The following DCDC1 variants were observed in gnomAD, a reference collection of about 807,000 sequenced individuals.
DCDC1 encodes the protein doublecortin domain-containing protein 1.
In DCDC1, 200 loss-of-function variants were observed where a neutral mutation model predicts 178.3. The observed-to-expected ratio is 1.12, with a 90% CI of 1.00 to 1.26. The LOEUF (loss-of-function observed/expected upper bound fraction) is 1.26. DCDC1 is among the 50% of genes most tolerant of loss of function. The pLI is 0.00. For missense variants in DCDC1, 1,983 were observed against 1,749.2 expected, an observed-to-expected ratio of 1.13 and a Z score of -2.38; for synonymous variants, 690 against 604.8, an observed-to-expected ratio of 1.14 and a Z score of -2.07.
chr11:31,160,970 T>C (rs976026233), intron 9 of DCDC1, among the ~76,000 whole-genome samples: 2 of 152,200 alleles, frequency 1.3e-5, no homozygotes, highest in Admixed American at 1.3e-4. Context: ...TTATGGTTTC[T>C]AGGAATTTGT....
At position 30,911,324 on chromosome 11, in the gene DCDC1, T is replaced by A. The variant is rs1443848321; in HGVS notation, c.3747+3A>T. ...GACTAATCTTTAGCCATACATATCT[T>A]ACCTGAACAATAACTGGATAGCCAC... On this transcript the variant is annotated splice_donor_region_variant and intron_variant, in intron 28 of 38. Coordinates refer to ENST00000684477, the MANE Select transcript of DCDC1 (RefSeq NM_001387274.1). 6.3e-7 allele frequency: 1 copy of A among 1,597,068 alleles called. No individual in the cohort carries two copies. The highest frequency in any genetic ancestry group is 1.7e-5 in the Admixed American group (1 of 57,796).
chr11:31,340,516 C>T (rs1202178119), intron 1 of DCDC1, among the ~76,000 whole-genome samples: 3 of 152,126 alleles, frequency 2.0e-5, no homozygotes, highest in African/African-American at 7.2e-5. Context: ...CTTGGCAGGG[C>T]CATGGTGACC....
In DCDC1 at chr11:31,328,134, A is replaced by G; in HGVS notation, c.147T>C (p.Ile49=). Residue 49 remains isoleucine (I), a synonymous_variant, in exon 3 of 39, where the codon ATT becomes ATC. Coordinates refer to ENST00000684477, the MANE Select transcript of DCDC1 (RefSeq NM_001387274.1). The part of the protein sequence containing the change: ...GNTVNPIYKY[I]LNDLPREFMS... Reference sequence around the variant, plus strand: ...GTTCTTACCTTGGTAAATCATTCAAAATATATTTGTAAATTGGGTTTACAG... The same window carrying G: ...GTTCTTACCTTGGTAAATCATTCAAGATATATTTGTAAATTGGGTTTACAG... 6.2e-7 allele frequency: 1 copy of G among 1,605,154 alleles called. No individual in the cohort carries two copies. The highest frequency in any genetic ancestry group is 8.5e-7 in the Non-Finnish European group (1 of 1,174,658).
intron 20 of DCDC1, among the ~76,000 whole-genome samples, chr11:31,020,183 G>T (rs1952774170): frequency 6.6e-6 from 1 of 152,060 alleles, no homozygotes; most frequent in South Asian, 2.1e-4. Flanking sequence ...ATAAATAAAA[G>T]ATCAAAATAT....
chr11:31,283,727 T>C (rs1292578096), intron 7 of DCDC1, among the ~76,000 whole-genome samples: 1 of 152,144 alleles, frequency 6.6e-6, no homozygotes, highest in Admixed American at 6.6e-5. Flanking sequence ...AGCTGTTCTT[T>C]TCCTGGCAGT....
intron 20 of DCDC1, among the ~76,000 whole-genome samples, chr11:31,049,646 C>CT (rs1189512662): frequency 6.6e-6 from 1 of 152,158 alleles, no homozygotes; most frequent in African/African-American, 2.4e-5. Flanking sequence ...TGGACTGCTC[C>CT]TGCAGGGCCC....
chr11:31,179,659 A>G (rs1362620100), intron 9 of DCDC1, among the ~76,000 whole-genome samples: 1 of 152,194 alleles, frequency 6.6e-6, no homozygotes, highest in Non-Finnish European at 1.5e-5. Flanking sequence ...AGTAGTTACC[A>G]AAGAAAATCC....
chr11:31,145,486 A>T (rs546343220), intron 9 of DCDC1, among the ~76,000 whole-genome samples: 4 of 152,240 alleles, frequency 2.6e-5, no homozygotes, highest in Admixed American at 2.0e-4. Flanking sequence ...ACTCTGCTCT[A>T]TAAGGGTGGT....
intron 21 of DCDC1, among the ~76,000 whole-genome samples, chr11:30,951,509 A>G (rs1948421075): frequency 2.0e-5 from 3 of 152,156 alleles, no homozygotes; most frequent in Admixed American, 2.0e-4. Context: ...ATAACCAGAA[A>G]GATGAAAAAT....
intron 32 of DCDC1, among the ~76,000 whole-genome samples, chr11:30,902,550 T>TA (rs1234947345): frequency 6.6e-6 from 1 of 152,182 alleles, no homozygotes; most frequent in Non-Finnish European, 1.5e-5. Context: ...ATCCATGAAG[T>TA]AATTGACAAT....
intron 3 of DCDC1, among the ~76,000 whole-genome samples, chr11:31,309,974 T>C (rs892172860): frequency 6.6e-6 from 1 of 152,130 alleles, no homozygotes; most frequent in Non-Finnish European, 1.5e-5. Context: ...CTGTCTATCA[T>C]TTTTGTTTGT....
rs1973276154 is a variant in DCDC1, at chr11:31,214,459, AC to A, written c.1221+26990del. 2.0e-5 allele frequency among the ~76,000 whole-genome samples: 3 copies of A among 152,348 alleles called. No homozygotes were observed. In the South Asian group the frequency reaches 6.2e-4, roughly 32 times the overall value. The stretch of plus-strand genomic sequence containing the variant: ...AAGAGTCAAATTCACTCTGCTGCAC[AC>A]AGCAGGATCTAGAGGAATTATCAGT... On this transcript the variant is annotated intron_variant, in intron 9 of 38. Coordinates refer to ENST00000684477, the MANE Select transcript of DCDC1 (RefSeq NM_001387274.1).
At position 31,249,880 on chromosome 11, in the gene DCDC1, T is replaced by C. The variant is rs75200501; in HGVS notation, c.1055-8264A>G. Among the ~76,000 whole-genome samples, 1,307 of 152,184 alleles carry C rather than the reference T, an allele frequency of 8.6e-3. 7 individuals carry two copies. Among genetic ancestry groups the C allele is most frequent in the Middle Eastern group, 0.037 (11 of 294 alleles). ...TTCCCTAAAAAGTTGTAGAACAGAT[T>C]ATAAAACAGTTTGTGAACACTCAGG... On this transcript the variant is annotated intron_variant, in intron 8 of 38. Coordinates refer to ENST00000684477, the MANE Select transcript of DCDC1 (RefSeq NM_001387274.1).
At chr11:30,993,719 A>C (rs1383553194) in intron 20 of DCDC1, among the ~76,000 whole-genome samples, 2 of 152,180 alleles carry the variant, frequency 1.3e-5, no homozygotes, top group African/African-American at 4.8e-5. Flanking sequence ...AAAATATAAC[A>C]ACTATTTGAA....
In DCDC1 at chr11:31,290,817, T is replaced by C. The variant is rs1224432518; in HGVS notation, c.790A>G (p.Met264Val). ...LLLIKKVTWT[M>V]NGLMLPTDIK... ...TCAGTAGGAAGCATCAACCCATTCATTGTCCAAGTTACTTTCTTAATTAAC... is the reference window on the plus strand; with the variant it reads ...TCAGTAGGAAGCATCAACCCATTCACTGTCCAAGTTACTTTCTTAATTAAC... The change falls in exon 7 of 39, where the codon ATG (methionine) becomes GTG (valine). Residue 264 changes from methionine (M) to valine (V), a missense_variant. Met to Val is a conservative substitution (Grantham distance 21). Coordinates refer to ENST00000684477, the MANE Select transcript of DCDC1 (RefSeq NM_001387274.1). 3.1e-6 allele frequency: 5 copies of C among 1,612,856 alleles called. No individual in the cohort carries two copies. The African/African-American group carries it at 6.7e-5, about 22-fold the overall frequency.
intron 9 of DCDC1, among the ~76,000 whole-genome samples, chr11:31,213,089 A>G (rs947882046): frequency 2.1e-4 from 26 of 125,358 alleles, no homozygotes; most frequent in Admixed American, 8.3e-5. Flanking sequence ...CATCTTCTAT[A>G]TAAAGCCCAG....
chr11:31,210,710 CAAAA>C (rs533444227), intron 9 of DCDC1, among the ~76,000 whole-genome samples: 1 of 51,416 alleles, frequency 1.9e-5, no homozygotes. Flanking sequence ...GACTCCGTCT[CAAAA>C]AAAAAAAAAA....
At position 31,197,401 on chromosome 11, in the gene DCDC1, A is replaced by G. The variant is rs780945907; in HGVS notation, c.1221+44049T>C. Among the ~76,000 whole-genome samples the G allele has an allele frequency of 3.9e-4, 60 of 152,148 alleles. 1 individual carries two copies. Among genetic ancestry groups the G allele is most frequent in the Non-Finnish European group, 6.9e-4 (47 of 68,008 alleles). On this transcript the variant is annotated intron_variant, in intron 9 of 38. Transcript: ENST00000684477. ...CCTGTTAATCAGTATAGCAATAATGATAATTACAATGACTAAATGTAAACT... is the reference window on the plus strand; with the variant it reads ...CCTGTTAATCAGTATAGCAATAATGGTAATTACAATGACTAAATGTAAACT...
chr11:31,333,441 T>G (rs1294265097), intron 2 of DCDC1, among the ~76,000 whole-genome samples: 1 of 152,232 alleles, frequency 6.6e-6, no homozygotes, highest in African/African-American at 2.4e-5. Context: ...CTGGTTACTT[T>G]GCCCATTAGT....
Sources: gnomAD v4.1 joint callset for allele counts (sites outside exome capture counted in the v4.1 genomes callset) on GRCh38, gnomAD v4.1.1 for gene constraint, MANE v1.5 for transcripts, NCBI Gene and HGNC (gene_info 2026-07-23, HGNC 2026-07-21) for gene names.